The following EYS variants were observed in gnomAD, a reference collection of about 807,000 sequenced individuals.
EYS encodes EGF-like photoreceptor maintenance factor, also known as protein eyes shut homolog.
EYS carries 250 observed loss-of-function variants against 282.1 expected under a neutral mutation model. The ratio of observed to expected loss-of-function variants is 0.89; its 90% CI spans 0.80 to 0.98. The LOEUF is 0.98. Ranked by LOEUF, EYS falls within the 50% of genes least tolerant of loss-of-function variation. The probability of loss-of-function intolerance (pLI) is 0.00; values close to 1 mark genes in which losing one functional copy is unlikely to be tolerated. For missense variants in EYS, 4,016 were observed against 3,709.0 expected, an observed-to-expected ratio of 1.08 and a Z score of -2.15; for synonymous variants, 1,355 against 1,282.9, an observed-to-expected ratio of 1.06 and a Z score of -1.20.
intron 35 of EYS, among the ~76,000 whole-genome samples, chr6:63,967,507 C>G (rs1159254238): frequency 6.6e-6 from 1 of 152,114 alleles, no homozygotes; most frequent in Non-Finnish European, 1.5e-5. Context: ...GGCAATGCTA[C>G]CCAATGGTAA....
chr6:65,311,529 C>T (rs1313353206), intron 11 of EYS, among the ~76,000 whole-genome samples: 1 of 152,054 alleles, frequency 6.6e-6, no homozygotes, highest in Non-Finnish European at 1.5e-5. Flanking sequence ...AGTTTCCATC[C>T]TTTTCATTAG....
intron 26 of EYS, among the ~76,000 whole-genome samples, chr6:64,513,484 T>C (rs925051267): frequency 6.6e-6 from 1 of 151,832 alleles, no homozygotes; most frequent in Non-Finnish European, 1.5e-5. Flanking sequence ...GTAGTATCTA[T>C]TAACTGCATG....
intron 2 of EYS, among the ~76,000 whole-genome samples, chr6:65,510,742 A>C (rs958629952): frequency 5.3e-5 from 8 of 152,144 alleles, no homozygotes; most frequent in Non-Finnish European, 7.3e-5. Context: ...GAAGTATGTC[A>C]GTTTTCATTC....
chr6:65,399,057 T>G (rs1370206671), intron 7 of EYS, among the ~76,000 whole-genome samples: 2 of 152,070 alleles, frequency 1.3e-5, no homozygotes, highest in Non-Finnish European at 1.5e-5. Flanking sequence ...GATGGCAGTG[T>G]CAGTCACCAC....
At chr6:64,930,329 G>A (rs760262371) in intron 15 of EYS, among the ~76,000 whole-genome samples, 23 of 151,822 alleles carry the variant, frequency 1.5e-4, no homozygotes, top group African/African-American at 5.3e-4. Context: ...TCAAACCTCC[G>A]GTTTTTGTGA....
chr6:64,312,741 G>T (rs950242997), intron 29 of EYS, among the ~76,000 whole-genome samples: 1 of 152,190 alleles, frequency 6.6e-6, no homozygotes, highest in African/African-American at 2.4e-5. Context: ...AGGAAAACAG[G>T]ATCTGGAGTG....
At chr6:64,571,323 C>T (rs1377628202) in intron 26 of EYS, among the ~76,000 whole-genome samples, 1 of 152,102 alleles carries the variant, frequency 6.6e-6, no homozygotes, top group Non-Finnish European at 1.5e-5. Context: ...CAGGAGAAAG[C>T]AGAAAAGATC....
At chr6:65,674,080 CAG>C (rs1169824292) in intron 1 of EYS, among the ~76,000 whole-genome samples, 1 of 151,708 alleles carries the variant, frequency 6.6e-6, no homozygotes, top group African/African-American at 2.4e-5. Context: ...AGAAGAAAAA[CAG>C]TGAACTTTTG....
intron 28 of EYS, among the ~76,000 whole-genome samples, chr6:64,404,940 A>G (rs1773659207): frequency 6.6e-6 from 1 of 152,156 alleles, no homozygotes; most frequent in African/African-American, 2.4e-5. Flanking sequence ...GATTAGAGAA[A>G]AAGTCAAGGC....
At chr6:63,867,694 G>A (rs917262673) in intron 35 of EYS, among the ~76,000 whole-genome samples, 36 of 152,286 alleles carry the variant, frequency 2.4e-4, no homozygotes, top group African/African-American at 8.2e-4. Flanking sequence ...TCTGTAATAT[G>A]TGGATTCAGA....
intron 31 of EYS, among the ~76,000 whole-genome samples, chr6:64,212,569 CTTTTT>C (rs202074925): frequency 1.4e-5 from 2 of 144,012 alleles, no homozygotes; most frequent in East Asian, 2.0e-4. Context: ...AGATGGAGTA[CTTTTT>C]TTTTTTTTAA....
intron 12 of EYS, among the ~76,000 whole-genome samples, chr6:65,181,642 C>A (rs903828429): frequency 2.0e-5 from 3 of 152,108 alleles, no homozygotes; most frequent in African/African-American, 7.2e-5. Context: ...TTGTGGAAAT[C>A]AGTGTGGCGA....
chr6:65,435,336 G>A (rs1768035097), intron 5 of EYS, among the ~76,000 whole-genome samples: 1 of 151,844 alleles, frequency 6.6e-6, no homozygotes, highest in South Asian at 2.1e-4. Context: ...CAGTTCACAT[G>A]TTATGATTTG....
intron 26 of EYS, among the ~76,000 whole-genome samples, chr6:64,563,633 C>A (rs1765473127): frequency 6.6e-6 from 1 of 152,092 alleles, no homozygotes; most frequent in Admixed American, 6.5e-5. Flanking sequence ...TTCAACAAAT[C>A]TTATGAAATA....
At chr6:64,317,691 G>A (rs139970774) in intron 29 of EYS, among the ~76,000 whole-genome samples, 4,736 of 152,034 alleles carry the variant, frequency 0.031, 232 homozygotes, top group African/African-American at 0.11. Flanking sequence ...ATGTAACCAA[G>A]GGATTATAAA....
chr6:63,894,128 G>C (rs1383565259), intron 35 of EYS, among the ~76,000 whole-genome samples: 2 of 152,166 alleles, frequency 1.3e-5, no homozygotes, highest in African/African-American at 4.8e-5. Flanking sequence ...CTTTAAAAAA[G>C]AGCCCCCACT....
intron 35 of EYS, among the ~76,000 whole-genome samples, chr6:63,941,511 G>T (rs541420261): frequency 2.0e-5 from 3 of 152,010 alleles, no homozygotes; most frequent in African/African-American, 7.2e-5. Context: ...CATATCCTTC[G>T]TCCACTTTTT....
chr6:64,643,502 C>T (rs1047071190), intron 22 of EYS, among the ~76,000 whole-genome samples: 8 of 152,250 alleles, frequency 5.3e-5, no homozygotes, highest in African/African-American at 1.4e-4. Context: ...CCCACGTGGT[C>T]CTGGGCAGAG....
intron 26 of EYS, among the ~76,000 whole-genome samples, chr6:64,573,691 G>A (rs1765794367): frequency 6.6e-6 from 1 of 152,146 alleles, no homozygotes; most frequent in Non-Finnish European, 1.5e-5. Context: ...ATCATCAGTG[G>A]TCATTAGAGG....
Sources: allele counts gnomAD v4.1 joint callset (sites outside exome capture counted in the v4.1 genomes callset), GRCh38; gene constraint gnomAD v4.1.1; transcripts MANE v1.5; gene names NCBI Gene and HGNC (gene_info 2026-07-23, HGNC 2026-07-21).